The following SLC35F3 variants were observed in gnomAD, a reference collection of about 807,000 sequenced individuals.
SLC35F3 encodes the protein putative thiamine transporter SLC35F3.
A neutral mutation model predicts 49.9 loss-of-function variants in SLC35F3; 25 were observed. The observed-to-expected ratio is 0.50, with a 90% CI of 0.37 to 0.70. The LOEUF is 0.70. Ranked by LOEUF, SLC35F3 falls within the 30% of genes least tolerant of loss-of-function variation. The pLI is 0.00. For missense variants in SLC35F3, 525 were observed against 639.8 expected, an observed-to-expected ratio of 0.82 and a Z score of 1.94; for synonymous variants, 275 against 265.4, an observed-to-expected ratio of 1.04 and a Z score of -0.35.
At chr1:233,925,401 G>C (rs375632340) in intron 2 of SLC35F3, among the ~76,000 whole-genome samples, 4 of 151,848 alleles carry the variant, frequency 2.6e-5, no homozygotes, top group Admixed American at 1.3e-4. Context: ...CCTTCTTTGT[G>C]TCTTTTGATC....
At chr1:233,909,848 A>C (rs956882720) in intron 2 of SLC35F3, among the ~76,000 whole-genome samples, 1 of 152,186 alleles carries the variant, frequency 6.6e-6, no homozygotes, top group Non-Finnish European at 1.5e-5. Context: ...GTAACCCCCA[A>C]ATTTATGCTG....
chr1:233,920,773 T>C (rs1571979684), intron 2 of SLC35F3, among the ~76,000 whole-genome samples: 1 of 152,184 alleles, frequency 6.6e-6, no homozygotes, highest in Non-Finnish European at 1.5e-5. Context: ...ACAATGACCA[T>C]GTTGGGAGGC....
At chr1:234,232,089 C>T (rs1480693409) in intron 3 of SLC35F3, among the ~76,000 whole-genome samples, 5 of 152,160 alleles carry the variant, frequency 3.3e-5, no homozygotes, top group Non-Finnish European at 7.3e-5. Flanking sequence ...GGGGTGAGGA[C>T]CGCAAGGCCA....
At chr1:234,066,830 C>CTCA (rs1664627223) in intron 2 of SLC35F3, among the ~76,000 whole-genome samples, 1 of 135,120 alleles carries the variant, frequency 7.4e-6, no homozygotes, top group African/African-American at 2.9e-5. Context: ...CCTCTCTCTC[C>CTCA]CACACACACA....
chr1:234,219,715 T>C (rs541572912), intron 2 of SLC35F3, among the ~76,000 whole-genome samples: 2 of 152,274 alleles, frequency 1.3e-5, no homozygotes, highest in South Asian at 2.1e-4. Context: ...AATGACCTGA[T>C]CTGACAGGAT....
intron 2 of SLC35F3, among the ~76,000 whole-genome samples, chr1:234,155,501 C>T (rs1276674824): frequency 6.6e-6 from 1 of 151,856 alleles, no homozygotes; most frequent in Non-Finnish European, 1.5e-5. Context: ...CTTCTGACTC[C>T]CGGGTTGAAG....
intron 3 of SLC35F3, among the ~76,000 whole-genome samples, chr1:234,235,019 C>A (rs1667442799): frequency 6.6e-6 from 1 of 152,166 alleles, no homozygotes; most frequent in East Asian, 1.9e-4. Flanking sequence ...AGAGTGCCAA[C>A]CCCTATGCTG....
At chr1:234,318,699 A>G (rs2102998319) in intron 5 of SLC35F3, 52 bp from the exon 6 acceptor site, 1 of 1,521,208 alleles carries the variant, frequency 6.6e-7, no homozygotes, top group Non-Finnish European at 9.0e-7. Context: ...CTTACATCAT[A>G]TTGGGGTCTG....
At chr1:234,206,106 C>T (rs1420352751) in intron 2 of SLC35F3, among the ~76,000 whole-genome samples, 7 of 152,052 alleles carry the variant, frequency 4.6e-5, no homozygotes, top group African/African-American at 1.7e-4. Context: ...GGAGATGTGA[C>T]AAGTACTTTT....
intron 2 of SLC35F3, among the ~76,000 whole-genome samples, chr1:234,023,157 G>A (rs2102844040): frequency 6.6e-6 from 1 of 152,270 alleles, no homozygotes; most frequent in South Asian, 2.1e-4. Context: ...CATGGAGGAA[G>A]AAAAAGGGAG....
intron 2 of SLC35F3, among the ~76,000 whole-genome samples, chr1:233,964,285 G>T (rs10910317): frequency 0.047 from 7,210 of 152,304 alleles, 261 homozygotes; most frequent in East Asian, 0.17. Flanking sequence ...TGTGAGGCGT[G>T]CTCAAAATGC....
chr1:234,226,551 TAAAAA>T (rs10547189), intron 2 of SLC35F3, among the ~76,000 whole-genome samples: 26 of 143,322 alleles, frequency 1.8e-4, no homozygotes, highest in African/African-American at 5.5e-4. Flanking sequence ...TACATTAAGT[TAAAAA>T]AAAAAAAAAA....
intron 2 of SLC35F3, among the ~76,000 whole-genome samples, chr1:234,118,788 G>A (rs987059571): frequency 3.3e-5 from 5 of 152,020 alleles, no homozygotes; most frequent in African/African-American, 1.2e-4. Context: ...ACTAGAACTA[G>A]AACCAACTCT....
chr1:233,982,493 G>A (rs934259149), intron 2 of SLC35F3, among the ~76,000 whole-genome samples: 1 of 152,070 alleles, frequency 6.6e-6, no homozygotes, highest in Non-Finnish European at 1.5e-5. Context: ...TCCTGCCTCA[G>A]CCTCCTGGGT....
At chr1:233,930,881 G>A (rs768191170) in intron 2 of SLC35F3, among the ~76,000 whole-genome samples, 11 of 152,096 alleles carry the variant, frequency 7.2e-5, no homozygotes, top group Admixed American at 1.3e-4. Flanking sequence ...AGTAGGCTGA[G>A]GAGTGGGAGG....
intron 2 of SLC35F3, among the ~76,000 whole-genome samples, chr1:234,071,206 C>T (rs1412670416): frequency 2.6e-5 from 4 of 152,196 alleles, no homozygotes; most frequent in Admixed American, 6.5e-5. Context: ...CACATGAGTA[C>T]CTGCTGGGGG....
In SLC35F3 at chr1:234,128,105, A is replaced by C. The variant is rs79050964; in HGVS notation, c.284-103312A>C. On this transcript the variant is annotated intron_variant, in intron 2 of 7. Transcript: ENST00000366618. ...GCTGCGTCTTCAAAGTGATGCCGAC[A>C]AACAGGCATTAAGACCATAAGGAAG... Among the ~76,000 whole-genome samples the C allele has an allele frequency of 7.0e-3, 1,064 of 152,340 alleles. 6 individuals are homozygous for C. Among genetic ancestry groups the C allele is most frequent in the Non-Finnish European group, 8.8e-3 (598 of 68,038 alleles).
intron 2 of SLC35F3, among the ~76,000 whole-genome samples, chr1:234,028,119 G>C (rs1030916889): frequency 5.9e-5 from 9 of 152,178 alleles, no homozygotes; most frequent in Non-Finnish European, 1.5e-5. Flanking sequence ...TCTTCTGACT[G>C]CAAGTTAGTG....
rs149434905 is a variant in SLC35F3 at position 234,060,835 on chromosome 1, T to C, written c.283+155077T>C. ...TTCTTCCTGTGTATTTGAGTTACAATCTGAAGTAATCTCTTTATCCCAACA... is the reference window on the plus strand; with the variant it reads ...TTCTTCCTGTGTATTTGAGTTACAACCTGAAGTAATCTCTTTATCCCAACA... On this transcript the variant is annotated intron_variant, in intron 2 of 7. Coordinates refer to ENST00000366618, the MANE Select transcript of SLC35F3 (RefSeq NM_173508.4). Among the ~76,000 whole-genome samples, 1,293 of 152,328 alleles carry C rather than the reference T, an allele frequency of 8.5e-3. 14 individuals are homozygous for C. Among genetic ancestry groups the C allele is most frequent in the African/African-American group, 0.029 (1,215 of 41,578 alleles).
Sources: allele counts gnomAD v4.1 joint callset (sites outside exome capture counted in the v4.1 genomes callset), GRCh38; gene constraint gnomAD v4.1.1; transcripts MANE v1.5; gene names NCBI Gene and HGNC (gene_info 2026-07-23, HGNC 2026-07-21).